Variants in ANKS1B observed in about 807,000 individuals in gnomAD.
ANKS1B encodes ankyrin repeat and sterile alpha motif domain-containing protein 1B.
A neutral mutation model predicts 148.3 loss-of-function variants in ANKS1B; 36 were observed. The observed-to-expected ratio is 0.24, with a 90% confidence interval of 0.19 to 0.32. The LOEUF (loss-of-function observed/expected upper bound fraction) is 0.32, where lower values mean the gene tolerates loss of function less well. Among genes scored for constraint, ANKS1B ranks in the 10% least tolerant of loss-of-function variants. The probability of loss-of-function intolerance (pLI) is 1.00; values close to 1 mark genes in which losing one functional copy is unlikely to be tolerated. For missense variants in ANKS1B, 1,157 were observed against 1,542.6 expected, an observed-to-expected ratio of 0.75 and a Z score of 4.19; for synonymous variants, 542 against 560.8, an observed-to-expected ratio of 0.97 and a Z score of 0.47.
At chr12:99,913,619 G>C (rs1252918989) in intron 1 of ANKS1B, among the ~76,000 whole-genome samples, 1 of 152,154 alleles carries the variant, frequency 6.6e-6, no homozygotes, top group Non-Finnish European at 1.5e-5. Flanking sequence ...CCTAAATGCT[G>C]AACTTGGGTT....
intron 17 of ANKS1B, among the ~76,000 whole-genome samples, chr12:98,896,196 C>T (rs1451719131): frequency 6.6e-6 from 1 of 152,194 alleles, no homozygotes; most frequent in African/African-American, 2.4e-5. Context: ...TAATAATCAA[C>T]CCTGTTGTTC....
rs558144230 is a variant in ANKS1B, at chr12:99,703,903, T to G, written c.1129-48693A>C. On this transcript the variant is annotated intron_variant, in intron 8 of 26. Coordinates refer to ENST00000683438, the MANE Select transcript of ANKS1B (RefSeq NM_001352186.2). ...ATTTGGTTTGGGGCATCAGGTATCA[T>G]GTACCTATTATTTCTATGATCAGTC... Among the ~76,000 whole-genome samples the G allele has an allele frequency of 1.9e-3, 288 of 152,254 alleles. 1 individual carries two copies. Among genetic ancestry groups the G allele is most frequent in the African/African-American group, 6.2e-3 (259 of 41,560 alleles).
intron 1 of ANKS1B, among the ~76,000 whole-genome samples, chr12:99,944,030 G>A (rs2094989784): frequency 6.6e-6 from 1 of 151,256 alleles, no homozygotes; most frequent in South Asian, 2.1e-4. Context: ...TTCAACTCCT[G>A]CTCCTTCTCC....
chr12:98,987,364 T>A (rs1026575083), intron 17 of ANKS1B, among the ~76,000 whole-genome samples: 3 of 152,106 alleles, frequency 2.0e-5, no homozygotes, highest in Non-Finnish European at 4.4e-5. Context: ...TTCTAAAGTA[T>A]CCCATTATAC....
At chr12:99,465,336 T>A (rs908046192) in intron 10 of ANKS1B, among the ~76,000 whole-genome samples, 1 of 152,016 alleles carries the variant, frequency 6.6e-6, no homozygotes, top group African/African-American at 2.4e-5. Flanking sequence ...CACTGCAAAA[T>A]CACGCCAAAT....
At chr12:98,981,268 G>T (rs186181277) in intron 17 of ANKS1B, among the ~76,000 whole-genome samples, 330 of 152,166 alleles carry the variant, frequency 2.2e-3, no homozygotes, top group Non-Finnish European at 3.7e-3. Flanking sequence ...CTCCTAAAGT[G>T]CTGGGATTAC....
intron 20 of ANKS1B, among the ~76,000 whole-genome samples, chr12:98,803,479 G>A (rs1300665796): frequency 2.0e-5 from 3 of 152,190 alleles, no homozygotes; most frequent in Non-Finnish European, 2.9e-5. Flanking sequence ...AAGTTTGCAT[G>A]CAACTCCGTG....
intron 19 of ANKS1B, among the ~76,000 whole-genome samples, chr12:98,822,796 AG>A (rs965142596): frequency 5.3e-4 from 81 of 152,292 alleles, no homozygotes; most frequent in African/African-American, 1.9e-3. Flanking sequence ...TGACCTTGAC[AG>A]GGAAGAAAAC....
intron 1 of ANKS1B, among the ~76,000 whole-genome samples, chr12:99,893,520 C>G (rs1325652772): frequency 6.6e-6 from 1 of 151,524 alleles, no homozygotes; most frequent in South Asian, 2.1e-4. Flanking sequence ...CAAGTTTTTA[C>G]TATATGTTAC....
chr12:99,413,094 A>C (rs1457989073), intron 11 of ANKS1B, among the ~76,000 whole-genome samples: 1 of 152,236 alleles, frequency 6.6e-6, no homozygotes, highest in Non-Finnish European at 1.5e-5. Context: ...AGGGAGTTAA[A>C]GAAGTCGTGA....
intron 1 of ANKS1B, among the ~76,000 whole-genome samples, chr12:99,900,146 G>A (rs1288022880): frequency 6.6e-6 from 1 of 151,764 alleles, no homozygotes; most frequent in Non-Finnish European, 1.5e-5. Flanking sequence ...TGATCCACCT[G>A]CCTTGGCCTC....
At chr12:99,877,626 G>A (rs192235620) in intron 1 of ANKS1B, among the ~76,000 whole-genome samples, 2 of 152,290 alleles carry the variant, frequency 1.3e-5, no homozygotes, top group East Asian at 1.9e-4. Context: ...ACAATTCAAG[G>A]TTGAAAATTG....
At chr12:99,912,994 G>A (rs186539437) in intron 1 of ANKS1B, among the ~76,000 whole-genome samples, 2 of 152,086 alleles carry the variant, frequency 1.3e-5, no homozygotes, top group Admixed American at 6.5e-5. Flanking sequence ...CATCCTCTTC[G>A]TGATACCAAA....
intron 25 of ANKS1B, 194 bp downstream of exon 25, chr12:98,772,848 T>C: frequency 1.7e-6 from 1 of 573,876 alleles, no homozygotes; most frequent in Non-Finnish European, 2.9e-6. Context: ...TGTGAGAAAA[T>C]GAATTTCTGC....
intron 9 of ANKS1B, among the ~76,000 whole-genome samples, chr12:99,629,120 T>C (rs765174706): frequency 3.9e-5 from 6 of 152,154 alleles, no homozygotes; most frequent in Non-Finnish European, 5.9e-5. Context: ...CTAAGCAATG[T>C]GACAGAGGCC....
chr12:99,524,139 C>T (rs12298982), intron 9 of ANKS1B, among the ~76,000 whole-genome samples: 5,259 of 152,040 alleles, frequency 0.035, 304 homozygotes, highest in African/African-American at 0.12. Context: ...CATCTTCCCA[C>T]AATATCAAGA....
chr12:99,877,697 C>A (rs1325273281), intron 1 of ANKS1B, among the ~76,000 whole-genome samples: 4 of 152,158 alleles, frequency 2.6e-5, no homozygotes, highest in Non-Finnish European at 5.9e-5. Flanking sequence ...TTTTCGGCTT[C>A]TCAAAGTATG....
intron 14 of ANKS1B, among the ~76,000 whole-genome samples, chr12:99,208,967 T>A (rs2153907745): frequency 6.6e-6 from 1 of 152,300 alleles, no homozygotes. Flanking sequence ...AGGATTCTTG[T>A]TTTTATGGCA....
At chr12:98,869,205 C>A (rs987781661) in intron 17 of ANKS1B, among the ~76,000 whole-genome samples, 1 of 152,196 alleles carries the variant, frequency 6.6e-6, no homozygotes, top group Non-Finnish European at 1.5e-5. Flanking sequence ...ATTAATTATA[C>A]CCCAGTTCCT....
Sources: gnomAD v4.1 joint callset for allele counts (sites outside exome capture counted in the v4.1 genomes callset) on GRCh38, gnomAD v4.1.1 for gene constraint, MANE v1.5 for transcripts, NCBI Gene and HGNC (gene_info 2026-07-23, HGNC 2026-07-21) for gene names.